The following TMEM117 variants were observed in gnomAD, a reference collection of about 807,000 sequenced individuals.
The protein encoded by TMEM117 is transmembrane protein 117.
TMEM117 carries 27 observed loss-of-function variants against 52.4 expected under a neutral mutation model. The observed-to-expected ratio is 0.51, with a 90% CI of 0.38 to 0.71. TMEM117 has a LOEUF of 0.71. Among genes scored for constraint, TMEM117 ranks in the 30% least tolerant of loss-of-function variants. The pLI is 0.00. For missense variants in TMEM117, 556 were observed against 630.5 expected, an observed-to-expected ratio of 0.88 and a Z score of 1.26; for synonymous variants, 215 against 206.3, an observed-to-expected ratio of 1.04 and a Z score of -0.36.
chr12:44,064,791 A>G (rs1353570917), intron 3 of TMEM117, among the ~76,000 whole-genome samples: 2 of 152,144 alleles, frequency 1.3e-5, no homozygotes, highest in Non-Finnish European at 2.9e-5. Context: ...ATAAAGTTGT[A>G]TATGTATAGG....
At chr12:43,827,276 A>AT in the TMEM117 span, among the ~76,000 whole-genome samples, 5 of 151,966 alleles carry the variant, frequency 3.3e-5, no homozygotes, top group African/African-American at 1.2e-4. Context: ...ATCATTATGC[A>AT]TTTTGTATTT....
chr12:44,113,890 G>T (rs1311837260), intron 3 of TMEM117, among the ~76,000 whole-genome samples: 1 of 85,468 alleles, frequency 1.2e-5, no homozygotes, highest in Non-Finnish European at 2.1e-5. Context: ...TCTGAGCCAG[G>T]TGTGGGATAT....
chr12:44,340,693 G>A (rs1259822442), intron 6 of TMEM117, among the ~76,000 whole-genome samples: 1 of 152,066 alleles, frequency 6.6e-6, no homozygotes, highest in Non-Finnish European at 1.5e-5. Context: ...AGATGGAGCT[G>A]GAGGTTGTGG....
At chr12:44,094,820 AAGG>A (rs2138054479) in intron 3 of TMEM117, among the ~76,000 whole-genome samples, 1 of 152,106 alleles carries the variant, frequency 6.6e-6, no homozygotes, top group South Asian at 2.1e-4. Flanking sequence ...CTCAACTAAA[AAGG>A]GGAGAGAGAA....
intron 5 of TMEM117, among the ~76,000 whole-genome samples, chr12:44,262,711 T>C (rs1177509247): frequency 6.6e-6 from 1 of 152,130 alleles, no homozygotes. Context: ...CTCAGCCTCC[T>C]GAGTAGCTGG....
Position 44,022,124 on chromosome 12 carries a change from G to T in TMEM117, c.410+77782G>T, listed in dbSNP as rs199686341. ...TGTAATTTGGTTCCTGTTTTTATGT[G>T]AACATTAAAGACAACATTATTTAGT... On this transcript the variant is annotated intron_variant, in intron 3 of 7. Coordinates refer to ENST00000266534, the MANE Select transcript of TMEM117 (RefSeq NM_032256.3). Among the ~76,000 whole-genome samples the T allele has an allele frequency of 1.3e-4, 20 of 152,264 alleles. No homozygotes were observed. The East Asian group carries it at 3.7e-3, about 28-fold the overall frequency.
rs576068794 is a variant in TMEM117, at chr12:44,055,568, A to G, written c.411-87957A>G. On this transcript the variant is annotated intron_variant, in intron 3 of 7. Coordinates refer to ENST00000266534, the MANE Select transcript of TMEM117 (RefSeq NM_032256.3). ...CTTGAGTTCAAGTCCTGATATGTCC[A>G]TTTACTAGCTGTGTGGCATCAGGTA... Among the ~76,000 whole-genome samples the G allele has an allele frequency of 2.0e-4, 30 of 152,286 alleles. No individual in the cohort carries two copies. The South Asian group carries it at 6.0e-3, about 31-fold the overall frequency.
At chr12:44,375,949 G>C (rs1951935118) in intron 6 of TMEM117, among the ~76,000 whole-genome samples, 1 of 152,102 alleles carries the variant, frequency 6.6e-6, no homozygotes, top group Non-Finnish European at 1.5e-5. Flanking sequence ...GTTTTGCCTT[G>C]ACAACCAGGA....
At position 44,296,527 on chromosome 12, in the gene TMEM117, A is replaced by G. The variant is rs533437791; in HGVS notation, c.609-3053A>G. Among the ~76,000 whole-genome samples the G allele has an allele frequency of 2.6e-5, 4 of 152,294 alleles. No individual in the cohort carries two copies. The East Asian group carries it at 5.8e-4, about 22-fold the overall frequency. ...CAGCCTGAGGCCTATTTCTGGGAGC[A>G]TGGATAAGCATGTTTCCTATAAAGT... is the stretch of plus-strand genomic sequence containing the variant. On this transcript the variant is annotated intron_variant, in intron 5 of 7. Coordinates refer to ENST00000266534, the MANE Select transcript of TMEM117 (RefSeq NM_032256.3).
At chr12:43,884,693 C>T (rs1437303710) in intron 2 of TMEM117, among the ~76,000 whole-genome samples, 3 of 152,190 alleles carry the variant, frequency 2.0e-5, no homozygotes, top group African/African-American at 7.2e-5. Flanking sequence ...GAAAAAGTCT[C>T]AGGCTGGTGG....
chr12:44,107,499 A>G (rs1221120138), intron 3 of TMEM117, among the ~76,000 whole-genome samples: 1 of 152,134 alleles, frequency 6.6e-6, no homozygotes, highest in Non-Finnish European at 1.5e-5. Context: ...CATTTAATTG[A>G]AGACTCATTC....
chr12:44,390,314 A>G (rs1486814952), downstream of TMEM117, among the ~76,000 whole-genome samples: 1 of 152,042 alleles, frequency 6.6e-6, no homozygotes, highest in African/African-American at 2.4e-5. Context: ...ATAGGTGGCA[A>G]CACTAGCTAT....
chr12:44,000,554 C>G (rs760489251), intron 3 of TMEM117, among the ~76,000 whole-genome samples: 1 of 152,082 alleles, frequency 6.6e-6, no homozygotes, highest in Non-Finnish European at 1.5e-5. Context: ...GAGGGAGCCC[C>G]AACTTTCTCA....
At chr12:43,921,294 T>C (rs1366448731) in intron 2 of TMEM117, among the ~76,000 whole-genome samples, 1 of 152,186 alleles carries the variant, frequency 6.6e-6, no homozygotes, top group East Asian at 1.9e-4. Context: ...AAACAGAGAG[T>C]CAATTAATAT....
intron 5 of TMEM117, among the ~76,000 whole-genome samples, chr12:44,280,097 A>T (rs1565667819): frequency 1.3e-5 from 2 of 151,584 alleles, no homozygotes; most frequent in East Asian, 1.9e-4. Context: ...TTTTATTTTT[A>T]TTTTTTTTAC....
At chr12:43,820,709 C>T in the TMEM117 span, among the ~76,000 whole-genome samples, 827 of 152,014 alleles carry the variant, frequency 5.4e-3, 5 homozygotes, top group African/African-American at 0.019. Context: ...CAAAAGACAG[C>T]AGGAAGGGCA....
chr12:44,334,694 C>T (rs1032509790), intron 6 of TMEM117, among the ~76,000 whole-genome samples: 20 of 151,940 alleles, frequency 1.3e-4, no homozygotes, highest in Admixed American at 2.0e-4. Flanking sequence ...CTTTACTTAA[C>T]GCCTGGATGT....
intron 4 of TMEM117, among the ~76,000 whole-genome samples, chr12:44,210,398 T>C (rs1245339502): frequency 6.6e-6 from 1 of 152,164 alleles, no homozygotes; most frequent in African/African-American, 2.4e-5. Context: ...ACCATTAATA[T>C]GTGATGTGGT....
the TMEM117 span, among the ~76,000 whole-genome samples, chr12:43,820,367 G>A: frequency 3.0e-4 from 45 of 152,084 alleles, no homozygotes; most frequent in African/African-American, 9.6e-4. Flanking sequence ...TCCGCCTCCC[G>A]GGTTCACGCC....
Sources: allele counts gnomAD v4.1 joint callset (sites outside exome capture counted in the v4.1 genomes callset), GRCh38; gene constraint gnomAD v4.1.1; transcripts MANE v1.5; gene names NCBI Gene and HGNC (gene_info 2026-07-23, HGNC 2026-07-21).